Variants in ARHGEF26 observed in about 807,000 individuals in gnomAD.
The protein encoded by ARHGEF26 is Rho guanine nucleotide exchange factor (GEF) 26.
ARHGEF26 carries 59 observed loss-of-function variants against 89.4 expected under a neutral mutation model. The ratio of observed to expected loss-of-function variants is 0.66; its 90% CI spans 0.54 to 0.82. The LOEUF is 0.82. ARHGEF26 is among the 40% of genes least tolerant of loss of function. The pLI, the probability that ARHGEF26 is intolerant of heterozygous loss-of-function variation, is 0.00. For synonymous variants in ARHGEF26, 500 were observed against 428.4 expected (o/e 1.17, Z -2.06); for missense variants, 1,234 against 1,085.6 (o/e 1.14, Z -1.92).
intron 6 of ARHGEF26, among the ~76,000 whole-genome samples, chr3:154,178,056 T>A (rs1712937218): frequency 6.6e-6 from 1 of 151,900 alleles, no homozygotes; most frequent in Admixed American, 6.6e-5. Context: ...ATACAAAAAT[T>A]AGCCTGGCAT....
intron 10 of ARHGEF26, among the ~76,000 whole-genome samples, chr3:154,221,435 A>G (rs1307292647): frequency 6.6e-6 from 1 of 152,246 alleles, no homozygotes; most frequent in Non-Finnish European, 1.5e-5. Flanking sequence ...TATCAAAATT[A>G]CAAATGCAAG....
intron 11 of ARHGEF26, among the ~76,000 whole-genome samples, chr3:154,234,878 G>A (rs1271756036): frequency 6.6e-6 from 1 of 152,110 alleles, no homozygotes; most frequent in Admixed American, 6.5e-5. Context: ...CCATTCTTCT[G>A]CCTCAGCCTC....
chr3:154,194,808 G>T (rs754497023), intron 9 of ARHGEF26, 90 bp downstream of exon 9: 1 of 1,114,258 alleles, frequency 9.0e-7, no homozygotes, highest in Non-Finnish European at 1.3e-6. Flanking sequence ...GCTGAAAACT[G>T]GTAGAGTCTC....
At chr3:154,131,528 T>C (rs960913061) in intron 4 of ARHGEF26, among the ~76,000 whole-genome samples, 4 of 152,214 alleles carry the variant, frequency 2.6e-5, no homozygotes, top group African/African-American at 7.2e-5. Flanking sequence ...AAAACAGATA[T>C]GTGGAAAAAC....
intron 6 of ARHGEF26, among the ~76,000 whole-genome samples, chr3:154,175,147 A>T (rs1283393263): frequency 6.6e-6 from 1 of 152,184 alleles, no homozygotes; most frequent in African/African-American, 2.4e-5. Flanking sequence ...AGAAAATGTG[A>T]TGGCATCCCA....
rs1718423098 is a variant in ARHGEF26, at chr3:154,255,231, A to C, written c.2474-100A>C. On this transcript the variant is annotated intron_variant, in intron 14 of 14. Transcript: ENST00000465093. ...ACTTTCTCTTCTCACCGTAGCACTT[A>C]GCCTGGGGAGGGATGCTGCCTCTCA... 7 of 1,257,818 alleles carry C rather than the reference A, an allele frequency of 5.6e-6. No homozygotes were observed. The South Asian group carries it at 9.9e-5, about 18-fold the overall frequency. 77.9% of individuals were successfully genotyped at this position (1,257,818 alleles called of 1,614,324 possible). A position where few individuals can be genotyped will look rare whatever the true frequency, so the allele number is the denominator to read the frequency against.
intron 6 of ARHGEF26, among the ~76,000 whole-genome samples, chr3:154,180,098 A>G (rs1252507765): frequency 2.0e-5 from 3 of 151,986 alleles, no homozygotes; most frequent in Non-Finnish European, 4.4e-5. Context: ...TCTGATTTCT[A>G]CTTCTCTTCT....
intron 7 of ARHGEF26, 22 bp downstream of exon 7, chr3:154,187,859 A>G (rs796614550): frequency 3.8e-6 from 6 of 1,592,400 alleles, no homozygotes; most frequent in Non-Finnish European, 5.1e-6. Flanking sequence ...CGAATGCTAC[A>G]GTTTTAATCA....
In ARHGEF26 at chr3:154,247,709, G is replaced by A. The variant is rs559777491; in HGVS notation, c.2301-5407G>A. Among the ~76,000 whole-genome samples, 5 of 152,278 alleles carry A rather than the reference G, an allele frequency of 3.3e-5. No homozygotes were observed. In the East Asian group the frequency reaches 9.6e-4, roughly 29 times the overall value. On this transcript the variant is annotated intron_variant, in intron 12 of 14. Transcript: ENST00000465093. ...TTTACTGCCCTTTTTGTTACTGCTG[G>A]AGCAGGTTTTTCCCAAATTTTACTT...
chr3:154,165,388 T>A (rs1354265996), intron 6 of ARHGEF26, among the ~76,000 whole-genome samples: 2 of 152,188 alleles, frequency 1.3e-5, no homozygotes, highest in Non-Finnish European at 2.9e-5. Context: ...TAAGTGATTT[T>A]CTGTTACTTA....
At chr3:154,176,855 G>T (rs1212136444) in intron 6 of ARHGEF26, among the ~76,000 whole-genome samples, 1 of 152,048 alleles carries the variant, frequency 6.6e-6, no homozygotes, top group Non-Finnish European at 1.5e-5. Context: ...CATTGCCCAG[G>T]CTAGTCTCGA....
At chr3:154,121,629 C>T (rs1717922339) in intron 1 of ARHGEF26, 110 bp downstream of exon 1, 1 of 238,608 alleles carries the variant, frequency 4.2e-6, no homozygotes, top group Non-Finnish European at 8.1e-6. Context: ...CCCAAGAAAG[C>T]TGAACTCGTC....
At chr3:154,137,676 G>A (rs1252186570) in intron 4 of ARHGEF26, among the ~76,000 whole-genome samples, 2 of 151,964 alleles carry the variant, frequency 1.3e-5, no homozygotes, top group African/African-American at 2.4e-5. Context: ...TTCATGTAGA[G>A]AATAATTCAG....
intron 2 of ARHGEF26, 23 bp downstream of exon 2, chr3:154,123,098 C>T: frequency 6.2e-7 from 1 of 1,610,628 alleles, no homozygotes; most frequent in Non-Finnish European, 8.5e-7. Flanking sequence ...AGGAGTGTGG[C>T]ACGCCATTCA....
chr3:154,255,063 C>A (rs747070362), intron 14 of ARHGEF26, among the ~76,000 whole-genome samples: 3 of 152,104 alleles, frequency 2.0e-5, no homozygotes, highest in Admixed American at 1.3e-4. Flanking sequence ...AAATAGCATT[C>A]TTCCTGCTAT....
intron 4 of ARHGEF26, among the ~76,000 whole-genome samples, chr3:154,131,004 A>G (rs1465889813): frequency 1.3e-5 from 2 of 152,206 alleles, no homozygotes; most frequent in African/African-American, 4.8e-5. Context: ...AATTCAATAC[A>G]CCAAGCGCTT....
chr3:154,150,140 T>TG (rs999969116), intron 5 of ARHGEF26, among the ~76,000 whole-genome samples: 12 of 142,076 alleles, frequency 8.4e-5, no homozygotes, highest in Non-Finnish European at 7.8e-5. Context: ...GGATGTCCTT[T>TG]TTTTTTTTTT....
In ARHGEF26 at chr3:154,152,918, T is replaced by C. The variant is rs746919248; in HGVS notation, c.1473T>C (p.Cys491=). The C allele has an allele frequency of 6.3e-7, 1 of 1,590,442 alleles. No individual in the cohort carries two copies. Among genetic ancestry groups the C allele is most frequent in the Admixed American group, 1.8e-5 (1 of 56,658 alleles). ...TTTTCTCCAATATTACAGATGTCTG[T>C]GAGGCAAGCAAAAAGTAAGTGCACT... ...HHLFSNITDV[C]EASKKFFIEL... is the part of the protein sequence containing the mutation. Residue 491 remains cysteine (C), a synonymous_variant, in exon 6 of 15, where the codon TGT becomes TGC. Transcript: ENST00000465093.
rs562590630 is a variant in ARHGEF26 at position 154,229,460 on chromosome 3, A to C, written c.2090+3450A>C. 2.6e-5 allele frequency among the ~76,000 whole-genome samples: 4 copies of C among 152,318 alleles called. 1 individual carries two copies. Among genetic ancestry groups the C allele is most frequent in the African/African-American group, 7.2e-5 (3 of 41,582 alleles). ...GTTCTACCAGATTTCAAAAGGATAC[A>C]TGATTGATTACTCTGGATGAGGGAT... On this transcript the variant is annotated intron_variant, in intron 11 of 14. Coordinates refer to ENST00000465093, the MANE Select transcript of ARHGEF26 (RefSeq NM_015595.4).
Sources: allele counts gnomAD v4.1 joint callset (sites outside exome capture counted in the v4.1 genomes callset), GRCh38; gene constraint gnomAD v4.1.1; transcripts MANE v1.5; gene names NCBI Gene and HGNC (gene_info 2026-07-23, HGNC 2026-07-21).